TEX15: variants seen among roughly 807,000 people sequenced by gnomAD.
TEX15 encodes the protein testis-expressed protein 15.
In TEX15, 171 loss-of-function variants were observed where a neutral mutation model predicts 237.3. That is an observed-to-expected ratio of 0.72 (90% confidence interval 0.64 to 0.82). The LOEUF (loss-of-function observed/expected upper bound fraction) is 0.82. Ranked by LOEUF, TEX15 falls within the 40% of genes least tolerant of loss-of-function variation. The pLI is 0.00. For synonymous variants in TEX15, 1,338 were observed against 1,269.8 expected (o/e 1.05, Z -1.14); for missense variants, 3,750 against 3,646.5 (o/e 1.03, Z -0.73).
In TEX15 at chr8:30,843,270, C is replaced by G. The variant is rs1807506633; in HGVS notation, c.6897G>C (p.Arg2299Ser). ...AGGCACATTTATTCACTCTGAGTAG[C>G]CTTTCTTCGTCCTTCTTTTGTGAGT... ...KKYSQKKDEE[R>S]LLRVNKCAFS... Residue 2299 changes from arginine (R) to serine (S), a missense_variant, in exon 8 of 11, where the codon AGG becomes AGC. By Grantham distance (110) the Arg-to-Ser change is moderately radical (BLOSUM62 -1). Transcript: ENST00000643185. The G allele has an allele frequency of 6.2e-7, 1 of 1,612,262 alleles. No individual in the cohort carries two copies. Among genetic ancestry groups the G allele is most frequent in the Admixed American group, 1.7e-5 (1 of 59,796 alleles).
At chr8:30,858,291 T>C (rs1430667894) in intron 7 of TEX15, among the ~76,000 whole-genome samples, 1 of 151,978 alleles carries the variant, frequency 6.6e-6, no homozygotes, top group African/African-American at 2.4e-5. Context: ...ACTTGGAGAT[T>C]CACTACTTTT....
chr8:30,883,981 G>A (rs1311472664), intron 3 of TEX15, among the ~76,000 whole-genome samples: 1 of 152,068 alleles, frequency 6.6e-6, no homozygotes, highest in Non-Finnish European at 1.5e-5. Flanking sequence ...TGATTCTTGG[G>A]ATCAAGCGTT....
intron 3 of TEX15, among the ~76,000 whole-genome samples, chr8:30,878,558 A>G (rs1471122639): frequency 1.3e-5 from 2 of 151,254 alleles, no homozygotes; most frequent in East Asian, 3.9e-4. Flanking sequence ...TAATTTTTCT[A>G]TTTTTTTTAG....
chr8:30,838,468 CT>C (rs1807361578), intron 9 of TEX15, among the ~76,000 whole-genome samples: 1 of 151,932 alleles, frequency 6.6e-6, no homozygotes, highest in African/African-American at 2.4e-5. Flanking sequence ...GCTGTAACCC[CT>C]GCCTTCCCAC....
chr8:30,849,264 T>G lies in TEX15; in HGVS notation c.903A>C (p.Gly301=). The stretch of plus-strand genomic sequence containing the variant: ...GCACAAAGGTGACAGTAGCATCTTT[T>G]CCTTTTCCAAATCTTTTGGCCACTG... ...NCTVAKRFGK[G]KDATVTFVHF... The change falls in exon 8 of 11, where the codon GGA becomes GGC. Residue 301 remains glycine, a synonymous_variant. Coordinates refer to ENST00000643185, the MANE Select transcript of TEX15 (RefSeq NM_001350162.2). 6.5e-7 allele frequency: 1 copy of G among 1,535,216 alleles called. No homozygotes were observed. The highest frequency in any genetic ancestry group is 1.2e-5 in the South Asian group (1 of 83,844).
Position 30,843,813 on chromosome 8 carries a change from A to C in TEX15, c.6354T>G (p.Arg2118=). The C allele has an allele frequency of 6.2e-7, 1 of 1,613,138 alleles. No individual in the cohort carries two copies. Among genetic ancestry groups the C allele is most frequent in the Non-Finnish European group, 8.5e-7 (1 of 1,179,520 alleles). ...AGAAATTAGACTGCTGTTGAAATCC[A>C]CGTGGTTTTCCAAGAAGCTCAGCAT... ...TLYAELLGKP[R]GFQQQSNFYP... is the part of the protein sequence containing the mutation. The change falls in exon 8 of 11, where the codon CGT becomes CGG. Residue 2118 remains arginine (R), a synonymous_variant. Transcript: ENST00000643185.
At chr8:30,835,639 C>T (rs73228645) in intron 10 of TEX15, among the ~76,000 whole-genome samples, 11,840 of 152,180 alleles carry the variant, frequency 0.078, 586 homozygotes, top group South Asian at 0.12. Context: ...ATTTAAAGTA[C>T]ATTTTATTTC....
At chr8:30,833,582 A>AT (rs1262178901) in intron 10 of TEX15, among the ~76,000 whole-genome samples, 2 of 152,206 alleles carry the variant, frequency 1.3e-5, no homozygotes, top group African/African-American at 4.8e-5. Context: ...AAAGGACATA[A>AT]TGTGGCTGGA....
At chr8:30,874,125 C>T (rs1471733434) in intron 4 of TEX15, among the ~76,000 whole-genome samples, 1 of 152,140 alleles carries the variant, frequency 6.6e-6, no homozygotes, top group African/African-American at 2.4e-5. Flanking sequence ...CAATATACCA[C>T]AACAAATTCT....
intron 3 of TEX15, 190 bp downstream of exon 3, chr8:30,886,977 T>C (rs1425743583): frequency 2.2e-6 from 1 of 453,318 alleles, no homozygotes; most frequent in East Asian, 3.6e-5. Flanking sequence ...TAGGTGTACT[T>C]AGTGGGAAGG....
chr8:30,856,877 A>C (rs926401844), intron 7 of TEX15, among the ~76,000 whole-genome samples: 1 of 152,224 alleles, frequency 6.6e-6, no homozygotes, highest in Non-Finnish European at 1.5e-5. Context: ...GATTCCATCA[A>C]TCTCAATCAA....
At chr8:30,863,878 C>T (rs1013336511) in intron 5 of TEX15, among the ~76,000 whole-genome samples, 1 of 151,680 alleles carries the variant, frequency 6.6e-6, no homozygotes. Flanking sequence ...AGAGTTACCA[C>T]ATTATTAGAT....
chr8:30,840,368 G>A (rs1807423624), intron 8 of TEX15, among the ~76,000 whole-genome samples: 1 of 152,010 alleles, frequency 6.6e-6, no homozygotes, highest in Non-Finnish European at 1.5e-5. Context: ...GCTGATATTT[G>A]TATTTTTAGT....
chr8:30,862,012 G>A (rs1193315664), intron 5 of TEX15, among the ~76,000 whole-genome samples: 3 of 152,008 alleles, frequency 2.0e-5, no homozygotes, highest in Non-Finnish European at 4.4e-5. Flanking sequence ...TAATATATAG[G>A]TTTACTGAGG....
At position 30,849,041 on chromosome 8, in the gene TEX15, C is replaced by T; in HGVS notation, c.1126G>A (p.Ala376Thr). 1 of 1,614,152 alleles carries T rather than the reference C, an allele frequency of 6.2e-7. No homozygotes were observed. Among genetic ancestry groups the T allele is most frequent in the Non-Finnish European group, 8.5e-7 (1 of 1,180,028 alleles). Reference protein sequence around the residue: ...AEIRDTSQVLAHDSDISLMPS... With the variant: ...AEIRDTSQVLTHDSDISLMPS... ...ATAAGTGAAATGTCTGAATCATGTG[C>T]AAGTACTTGAGAAGTGTCTCTAATT... Residue 376 changes from alanine to threonine, a missense_variant, in exon 8 of 11, where the codon GCA becomes ACA. Coordinates refer to ENST00000643185, the MANE Select transcript of TEX15 (RefSeq NM_001350162.2).
intron 2 of TEX15, among the ~76,000 whole-genome samples, chr8:30,891,652 G>T (rs538312143): frequency 6.6e-6 from 1 of 151,792 alleles, no homozygotes; most frequent in African/African-American, 2.4e-5. Context: ...GCTAATTTTT[G>T]TAGAGATGAG....
At chr8:30,887,852 TATATATTTCGCAC>T (rs1157791816) in intron 2 of TEX15, 2 of 147,390 alleles carry the variant, frequency 1.4e-5, no homozygotes, top group East Asian at 4.0e-4. Flanking sequence ...ACATTTCACA[TATATATTTCGCAC>T]ATATATATTT....
At position 30,845,696 on chromosome 8, in the gene TEX15, T is replaced by C. The variant is rs763909597; in HGVS notation, c.4471A>G (p.Ser1491Gly). 4 of 1,613,614 alleles carry C rather than the reference T, an allele frequency of 2.5e-6. No individual in the cohort carries two copies. The South Asian group carries it at 4.4e-5, about 18-fold the overall frequency. The stretch of plus-strand genomic sequence containing the variant: ...CTTTTTGAGACACTGCTAGCCATAC[T>C]TTTCCTAGAAAGGCATTTTTTCTCT... ...SGEKKCLSRK[S>G]MASSVSKSHP... The change falls in exon 8 of 11, where the codon AGT (serine) becomes GGT (glycine). Residue 1491 changes from serine to glycine, a missense_variant. Physicochemically the swap from Ser to Gly is moderately conservative, Grantham distance 56. Transcript: ENST00000643185.
chr8:30,907,414 T>G (rs1301400386), intron 1 of TEX15, among the ~76,000 whole-genome samples: 4 of 132,732 alleles, frequency 3.0e-5, no homozygotes, highest in Non-Finnish European at 6.3e-5. Flanking sequence ...TACAGGCGCA[T>G]GCCAGGATGC....
Sources: gnomAD v4.1 joint callset for allele counts (sites outside exome capture counted in the v4.1 genomes callset) on GRCh38, gnomAD v4.1.1 for gene constraint, MANE v1.5 for transcripts, NCBI Gene and HGNC (gene_info 2026-07-23, HGNC 2026-07-21) for gene names.